The following ADK variants were observed in gnomAD, a reference collection of about 807,000 sequenced individuals.
ADK encodes N6,N6-dimethyladenosine kinase.
A neutral mutation model predicts 44.7 loss-of-function variants in ADK; 24 were observed. The ratio of observed to expected loss-of-function variants is 0.54; its 90% CI spans 0.39 to 0.76. The LOEUF (loss-of-function observed/expected upper bound fraction) is 0.76, where lower values mean the gene tolerates loss of function less well. Among genes scored for constraint, ADK ranks in the 30% least tolerant of loss-of-function variants. ADK has a pLI of 0.00. For synonymous variants in ADK, 128 were observed against 142.6 expected (o/e 0.90, Z 0.73); for missense variants, 321 against 425.1 (o/e 0.76, Z 2.15).
At chr10:74,450,126 GAAAAACTCTGTCTCCACAAAAAATTAA>G (rs1845722300) in intron 6 of ADK, among the ~76,000 whole-genome samples, 1 of 152,048 alleles carries the variant, frequency 6.6e-6, no homozygotes, top group African/African-American at 2.4e-5. Flanking sequence ...GCAACATAGC[GAAAAACTCTGTCTCCACAAAAAATTAA>G]AAAAATAAAA....
chr10:74,672,876 A>G (rs371117035), intron 10 of ADK, among the ~76,000 whole-genome samples: 3 of 152,354 alleles, frequency 2.0e-5, no homozygotes, highest in African/African-American at 7.2e-5. Flanking sequence ...GAAAGGTGAG[A>G]TAATGTGCCC....
At chr10:74,614,146 A>G (rs12360087) in intron 9 of ADK, among the ~76,000 whole-genome samples, 26,553 of 152,060 alleles carry the variant, frequency 0.17, 2,593 homozygotes, top group African/African-American at 0.25. Flanking sequence ...ACAAAGTAGT[A>G]TCTTTGGGAT....
At chr10:74,216,100 C>T (rs892097009) in intron 2 of ADK, among the ~76,000 whole-genome samples, 1 of 152,050 alleles carries the variant, frequency 6.6e-6, no homozygotes, top group Admixed American at 6.5e-5. Flanking sequence ...TTCTGTTATA[C>T]TTTTCACACC....
chr10:74,199,830 C>CCA (rs1843309421), intron 1 of ADK, among the ~76,000 whole-genome samples: 1 of 152,016 alleles, frequency 6.6e-6, no homozygotes, highest in Admixed American at 6.6e-5. Flanking sequence ...CAGGTGCTCG[C>CCA]CACTACACCT....
chr10:74,211,888 A>G (rs565554285), intron 2 of ADK, among the ~76,000 whole-genome samples: 3 of 152,140 alleles, frequency 2.0e-5, no homozygotes, highest in African/African-American at 7.2e-5. Context: ...AGTTGTATCT[A>G]TTGTGTATAT....
At chr10:74,493,167 C>CATTCT (rs1554869189) in intron 6 of ADK, among the ~76,000 whole-genome samples, 2 of 151,736 alleles carry the variant, frequency 1.3e-5, no homozygotes, top group African/African-American at 4.8e-5. Context: ...TAAGATAATG[C>CATTCT]ATTTTATTTT....
At chr10:74,334,823 G>A (rs919257462) in intron 4 of ADK, among the ~76,000 whole-genome samples, 1 of 152,034 alleles carries the variant, frequency 6.6e-6, no homozygotes, top group Non-Finnish European at 1.5e-5. Context: ...GTCTCTGAGG[G>A]GAATTGCAGT....
intron 9 of ADK, among the ~76,000 whole-genome samples, chr10:74,618,233 T>C (rs1321395783): frequency 1.3e-5 from 2 of 152,208 alleles, no homozygotes; most frequent in South Asian, 2.1e-4. Flanking sequence ...CTGTCTTACA[T>C]GTGTATCTTC....
chr10:74,363,422 C>A (rs948512578), intron 4 of ADK, among the ~76,000 whole-genome samples: 2 of 152,228 alleles, frequency 1.3e-5, no homozygotes, highest in South Asian at 4.2e-4. Flanking sequence ...CTGCACCACC[C>A]TGGGATCTGC....
chr10:74,338,132 C>CAAT (rs1178835743), intron 4 of ADK, among the ~76,000 whole-genome samples: 2 of 151,766 alleles, frequency 1.3e-5, no homozygotes, highest in Non-Finnish European at 2.9e-5. Context: ...ACAACAACAA[C>CAAT]AACAAAAACT....
At chr10:74,530,146 G>A (rs1201070148) in intron 7 of ADK, among the ~76,000 whole-genome samples, 1 of 151,970 alleles carries the variant, frequency 6.6e-6, no homozygotes, top group Non-Finnish European at 1.5e-5. Flanking sequence ...ATTATAAAAA[G>A]CAAGTAGAGT....
chr10:74,208,384 T>C (rs925871540), intron 2 of ADK, among the ~76,000 whole-genome samples: 8 of 152,222 alleles, frequency 5.3e-5, no homozygotes, highest in African/African-American at 1.9e-4. Flanking sequence ...GCAGCTGCTC[T>C]AGACAGCCTG....
At chr10:74,678,886 T>C (rs535679027) in intron 10 of ADK, among the ~76,000 whole-genome samples, 1 of 152,322 alleles carries the variant, frequency 6.6e-6, no homozygotes, top group South Asian at 2.1e-4. Context: ...ATTAAATGAA[T>C]CTGGTCAATT....
At chr10:74,492,748 C>T (rs1182475214) in intron 6 of ADK, among the ~76,000 whole-genome samples, 3 of 151,952 alleles carry the variant, frequency 2.0e-5, no homozygotes, top group Admixed American at 1.3e-4. Flanking sequence ...TTAGGTTATG[C>T]CTTTTCATAA....
intron 4 of ADK, among the ~76,000 whole-genome samples, chr10:74,384,082 C>T (rs1357584321): frequency 1.3e-5 from 2 of 152,104 alleles, no homozygotes; most frequent in African/African-American, 4.8e-5. Context: ...GCATGTTCTG[C>T]AACAACTCCT....
intron 1 of ADK, among the ~76,000 whole-genome samples, chr10:74,200,156 GTTTTTTTTTT>G (rs760622376): frequency 9.1e-5 from 9 of 99,274 alleles, no homozygotes; most frequent in African/African-American, 3.8e-4. Flanking sequence ...GACACCATCT[GTTTTTTTTTT>G]TTTTTTTTTT....
chr10:74,309,858 G>C (rs1428126794), intron 3 of ADK, among the ~76,000 whole-genome samples: 1 of 151,940 alleles, frequency 6.6e-6, no homozygotes, highest in East Asian at 1.9e-4. Flanking sequence ...TTATATTTCA[G>C]CTTTCATAAA....
chr10:74,660,493 T>A (rs750090913), intron 9 of ADK, among the ~76,000 whole-genome samples: 3 of 151,880 alleles, frequency 2.0e-5, no homozygotes, highest in Admixed American at 2.0e-4. Context: ...ATCCCAACAC[T>A]TTGGGAGGCC....
At chr10:74,536,007 A>G (rs1222311667) in intron 7 of ADK, among the ~76,000 whole-genome samples, 4 of 152,224 alleles carry the variant, frequency 2.6e-5, no homozygotes, top group African/African-American at 9.6e-5. Context: ...TTTATCAACT[A>G]CTATTCCTTT....
Sources: allele counts gnomAD v4.1 joint callset (sites outside exome capture counted in the v4.1 genomes callset), GRCh38; gene constraint gnomAD v4.1.1; transcripts MANE v1.5; gene names NCBI Gene and HGNC (gene_info 2026-07-23, HGNC 2026-07-21).